Variants in CCDC126 observed in about 807,000 individuals in gnomAD.
CCDC126 encodes the protein coiled-coil domain containing 126.
A neutral mutation model predicts 11.7 loss-of-function variants in CCDC126; 5 were observed. That is an observed-to-expected ratio of 0.43 (90% confidence interval 0.22 to 0.90). CCDC126 has a LOEUF of 0.90. Ranked by LOEUF, CCDC126 falls within the 40% of genes least tolerant of loss-of-function variation. The pLI, the probability that CCDC126 is intolerant of heterozygous loss-of-function variation, is 0.27. For missense variants in CCDC126, 150 were observed against 163.1 expected (o/e 0.92, Z 0.44); for synonymous variants, 60 against 61.9 (o/e 0.97, Z 0.14).
chr7:23,631,797 C>G (rs1046963136), intron 3 of CCDC126, among the ~76,000 whole-genome samples: 5 of 150,914 alleles, frequency 3.3e-5, no homozygotes, highest in East Asian at 1.9e-4. Context: ...ATTTAAAAGT[C>G]CCCCCCCACC....
chr7:23,606,389 A>G (rs1782624214), intron 2 of CCDC126, among the ~76,000 whole-genome samples: 1 of 152,076 alleles, frequency 6.6e-6, no homozygotes, highest in South Asian at 2.1e-4. Flanking sequence ...TTTCCCTATG[A>G]TTAATGAGGT....
chr7:23,629,143 G>T (rs1206685820), intron 3 of CCDC126, among the ~76,000 whole-genome samples: 1 of 152,204 alleles, frequency 6.6e-6, no homozygotes, highest in Admixed American at 6.5e-5. Flanking sequence ...GACTGCTATG[G>T]TTTGAATGTA....
At chr7:23,625,065 A>C (rs1433448567) in intron 3 of CCDC126, among the ~76,000 whole-genome samples, 1 of 152,070 alleles carries the variant, frequency 6.6e-6, no homozygotes, top group Non-Finnish European at 1.5e-5. Context: ...CATATTCTCA[A>C]ACTTCTGGAA....
intron 3 of CCDC126, among the ~76,000 whole-genome samples, chr7:23,612,910 T>A (rs1356252689): frequency 6.6e-6 from 1 of 152,224 alleles, no homozygotes; most frequent in African/African-American, 2.4e-5. Context: ...GTTCTTTCTT[T>A]CCTTTAAGAC....
At position 23,630,053 on chromosome 7, in the gene CCDC126, A is replaced by G. The variant is rs574115730; in HGVS notation, c.239-12878A>G. ...ATAATAATTAAAATTTGGAAAAAAGAAAAAAGGAAAGAGACCAGCCTTACC... is the reference window on the plus strand; with the variant it reads ...ATAATAATTAAAATTTGGAAAAAAGGAAAAAGGAAAGAGACCAGCCTTACC... On this transcript the variant is annotated intron_variant, in intron 3 of 3. Transcript: ENST00000307471. 2.3e-4 allele frequency among the ~76,000 whole-genome samples: 35 copies of G among 152,374 alleles called. 1 individual carries two copies. Among genetic ancestry groups the G allele is most frequent in the Admixed American group, 2.0e-3 (30 of 15,308 alleles).
At chr7:23,622,606 T>C (rs1200698151) in intron 3 of CCDC126, 1 of 536,740 alleles carries the variant, frequency 1.9e-6, no homozygotes, top group Non-Finnish European at 3.8e-6. Flanking sequence ...GGCAGAAGTA[T>C]TGAGTGGCTC....
chr7:23,607,400 G>T (rs1322459555), intron 2 of CCDC126, among the ~76,000 whole-genome samples: 2 of 152,052 alleles, frequency 1.3e-5, no homozygotes, highest in Non-Finnish European at 2.9e-5. Context: ...AATTGAGGAG[G>T]TTCAAAGTGC....
At chr7:23,612,303 TACAA>T (rs535925765) in intron 3 of CCDC126, among the ~76,000 whole-genome samples, 4 of 148,742 alleles carry the variant, frequency 2.7e-5, no homozygotes, top group Non-Finnish European at 6.0e-5. Flanking sequence ...CTACTAAAAA[TACAA>T]ACAAAAAATC....
chr7:23,643,160 T>G lies in CCDC126; in HGVS notation c.*45T>G. 1 of 1,536,614 alleles carries G rather than the reference T, an allele frequency of 6.5e-7. No individual in the cohort carries two copies. Among genetic ancestry groups the G allele is most frequent in the Non-Finnish European group, 8.9e-7 (1 of 1,124,388 alleles). On this transcript the variant is annotated 3_prime_UTR_variant, in exon 4 of 4. Coordinates refer to ENST00000307471, the MANE Select transcript of CCDC126 (RefSeq NM_138771.4). ...GCTGCTCCATCCACTGTGGATTATA[T>G]CCTATGGCAGAAAAGCTTTATAATT...
intron 3 of CCDC126, among the ~76,000 whole-genome samples, chr7:23,638,107 C>G (rs1783274918): frequency 7.0e-6 from 1 of 143,146 alleles, no homozygotes; most frequent in African/African-American, 2.6e-5. Flanking sequence ...GGTCAGCCCC[C>G]CGCCCGGCCA....
chr7:23,603,524 G>A (rs907966384), intron 2 of CCDC126, among the ~76,000 whole-genome samples: 15 of 152,172 alleles, frequency 9.9e-5, no homozygotes, highest in Admixed American at 5.9e-4. Context: ...AGTGAGTCAG[G>A]ACCTGTATTC....
chr7:23,627,232 C>A (rs981512896), intron 3 of CCDC126, among the ~76,000 whole-genome samples: 5 of 152,056 alleles, frequency 3.3e-5, no homozygotes, highest in Non-Finnish European at 7.4e-5. Flanking sequence ...AAAATAGATG[C>A]CAGCCAGGTG....
At chr7:23,601,461 G>C (rs1194058561) in intron 2 of CCDC126, among the ~76,000 whole-genome samples, 1 of 152,180 alleles carries the variant, frequency 6.6e-6, no homozygotes, top group African/African-American at 2.4e-5. Context: ...AACAAAATTG[G>C]TAGTGTGTAC....
At chr7:23,630,715 T>C (rs144582038) in intron 3 of CCDC126, among the ~76,000 whole-genome samples, 4,787 of 70,792 alleles carry the variant, frequency 0.068, 331 homozygotes, top group African/African-American at 0.22. Context: ...CAAGACCCTA[T>C]CTCAAAAAAA....
Position 23,629,996 on chromosome 7 carries a change from A to G in CCDC126, c.239-12935A>G, listed in dbSNP as rs530228969. On this transcript the variant is annotated intron_variant, in intron 3 of 3. Transcript: ENST00000307471. ...AGCTGAGCAAACCCCAATCGGGATA[A>G]ACCCATGCTAAGAATTTCATGCCAA... 5.9e-4 allele frequency among the ~76,000 whole-genome samples: 90 copies of G among 152,346 alleles called. 1 individual carries two copies. The Middle Eastern group carries it at 0.01, about 17-fold the overall frequency.
At chr7:23,635,900 C>T (rs1436980552) in intron 3 of CCDC126, among the ~76,000 whole-genome samples, 5 of 152,044 alleles carry the variant, frequency 3.3e-5, no homozygotes, top group Admixed American at 2.0e-4. Context: ...CCTCTCCCCA[C>T]GGTCTCCTTC....
At chr7:23,611,644 T>A in intron 3 of CCDC126, 91 bp downstream of exon 3, 1 of 836,380 alleles carries the variant, frequency 1.2e-6, no homozygotes, top group Non-Finnish European at 1.9e-6. Flanking sequence ...GCATAGGTCT[T>A]TGCAAAGTAA....
At chr7:23,615,248 T>C (rs1447057029) in intron 3 of CCDC126, among the ~76,000 whole-genome samples, 1 of 152,270 alleles carries the variant, frequency 6.6e-6, no homozygotes, top group African/African-American at 2.4e-5. Context: ...AAATGGCTTT[T>C]TCCTTAAACC....
At chr7:23,627,928 A>G (rs1469132317) in intron 3 of CCDC126, among the ~76,000 whole-genome samples, 9 of 152,202 alleles carry the variant, frequency 5.9e-5, no homozygotes. Context: ...AATGTTCTTC[A>G]GAAAATAATA....
Sources: allele counts gnomAD v4.1 joint callset (sites outside exome capture counted in the v4.1 genomes callset), GRCh38; gene constraint gnomAD v4.1.1; transcripts MANE v1.5; gene names NCBI Gene and HGNC (gene_info 2026-07-23, HGNC 2026-07-21).